KIF5B: variants seen among roughly 807,000 people sequenced by gnomAD.
KIF5B encodes the protein kinesin family member 5B.
A neutral mutation model predicts 132.8 loss-of-function variants in KIF5B; 49 were observed. That is an observed-to-expected ratio of 0.37 (90% CI 0.29 to 0.47). The LOEUF is 0.47. Ranked by LOEUF, KIF5B falls within the 20% of genes least tolerant of loss-of-function variation. KIF5B has a pLI of 1.00. For missense variants in KIF5B, 780 were observed against 1,144.0 expected, an observed-to-expected ratio of 0.68 and a Z score of 4.59; for synonymous variants, 355 against 369.4, an observed-to-expected ratio of 0.96 and a Z score of 0.45.
intron 25 of KIF5B, among the ~76,000 whole-genome samples, chr10:32,015,202 A>G (rs1257151085): frequency 6.6e-6 from 1 of 152,164 alleles, no homozygotes; most frequent in African/African-American, 2.4e-5. Context: ...TCAATTATGG[A>G]AAAAATTAAT....
At chr10:32,040,656 CA>C (rs1442303035) in intron 2 of KIF5B, among the ~76,000 whole-genome samples, 199 bp from the exon 3 acceptor site, 7 of 150,070 alleles carry the variant, frequency 4.7e-5, no homozygotes, top group East Asian at 3.9e-4. Context: ...CACACACACA[CA>C]CCCTCTTCCT....
At position 32,015,530 on chromosome 10, in the gene KIF5B, T is replaced by G; in HGVS notation, c.2891A>C (p.Ter964SerextTer9). 1 of 1,608,408 alleles carries G rather than the reference T, an allele frequency of 6.2e-7. No individual in the cohort carries two copies. Among genetic ancestry groups the G allele is most frequent in the Non-Finnish European group, 8.5e-7 (1 of 1,177,798 alleles). ...AAACCTGTGGGTATGTATAAACGAT[T>G]ACACTTGTTTGCCTCCTCCACCTCG... Reference protein sequence around the residue: ...AVRGGGGKQV* With the variant: ...AVRGGGGKQVS The change falls in exon 25 of 26, where the codon TAA becomes TCA. Residue 964 changes from the stop codon to serine (S), a stop_lost. Transcript: ENST00000302418.
At chr10:32,022,065 T>C in intron 17 of KIF5B, 75 bp downstream of exon 17, 1 of 709,516 alleles carries the variant, frequency 1.4e-6, no homozygotes, top group South Asian at 1.9e-5. Flanking sequence ...TTTCTTTCAG[T>C]GTGAATATTA....
Position 32,049,344 on chromosome 10 carries a change from C to T in KIF5B, c.127-793G>A, listed in dbSNP as rs542690841. ...AATATAGGAGGAGAACCTAAGTCTA[C>T]GGGAAAGCAGAATATCACGGAAACA... On this transcript the variant is annotated intron_variant, in intron 1 of 25. Transcript: ENST00000302418. Among the ~76,000 whole-genome samples, 73 of 152,128 alleles carry T rather than the reference C, an allele frequency of 4.8e-4. 1 individual carries two copies. Among genetic ancestry groups the T allele is most frequent in the Admixed American group, 1.0e-3 (16 of 15,276 alleles).
At chr10:32,050,095 G>A (rs921351433) in intron 1 of KIF5B, among the ~76,000 whole-genome samples, 17 of 152,212 alleles carry the variant, frequency 1.1e-4, no homozygotes, top group Non-Finnish European at 2.5e-4. Context: ...AAGGAAGGAA[G>A]TTGGGCCCTA....
At position 32,048,488 on chromosome 10, in the gene KIF5B, C is replaced by A; in HGVS notation, c.190G>T (p.Asp64Tyr). The A allele has an allele frequency of 1.2e-6, 2 of 1,613,146 alleles. No individual in the cohort carries two copies. Among genetic ancestry groups the A allele is most frequent in the South Asian group, 2.2e-5 (2 of 90,990 alleles). ...CCTTTAACAATCTTCTTTGCACAGTCATTATACACTTGCTCTTGAGATGTG... is the reference window on the plus strand; with the variant it reads ...CCTTTAACAATCTTCTTTGCACAGTAATTATACACTTGCTCTTGAGATGTG... ...SSTSQEQVYNDCAKKIVKDVL... is the reference protein window; with the variant it reads ...SSTSQEQVYNYCAKKIVKDVL... Residue 64 changes from aspartate (D) to tyrosine (Y), a missense_variant, in exon 2 of 26, where the codon GAC (aspartate) becomes TAC (tyrosine). This residue lies in a region of KIF5B where 66 missense variants were observed against 83.4 expected (regional missense o/e 0.79). Transcript: ENST00000302418.
chr10:32,044,918 A>G (rs1187112204), intron 2 of KIF5B, among the ~76,000 whole-genome samples: 4 of 152,224 alleles, frequency 2.6e-5, no homozygotes, highest in Non-Finnish European at 5.9e-5. Flanking sequence ...ATTATCCTGA[A>G]CGCAGTTCCA....
chr10:32,043,619 T>G (rs1402807620), intron 2 of KIF5B, among the ~76,000 whole-genome samples: 1 of 152,146 alleles, frequency 6.6e-6, no homozygotes, highest in African/African-American at 2.4e-5. Context: ...TAGTGGGCAA[T>G]GAATAAATAG....
intron 17 of KIF5B, 55 bp downstream of exon 17, chr10:32,022,085 C>T (rs1841271183): frequency 2.4e-6 from 2 of 848,312 alleles, no homozygotes; most frequent in Admixed American, 2.4e-5. Context: ...AAGTTTACTA[C>T]AATTATACTA....
Position 32,038,149 on chromosome 10 carries a change from T to A in KIF5B, c.498+14A>T. The A allele has an allele frequency of 6.6e-7, 1 of 1,513,682 alleles. No homozygotes were observed. Among genetic ancestry groups the A allele is most frequent in the African/African-American group, 1.4e-5 (1 of 71,614 alleles). 93.8% of individuals were successfully genotyped at this position (1,513,682 alleles called of 1,614,324 possible). On this transcript the variant is annotated intron_variant, in intron 6 of 25. Transcript: ENST00000302418. The stretch of plus-strand genomic sequence containing the variant: ...AGTATTACAGGGTTTTCTAGACAAC[T>A]GTACTATAAATACCTTTACATAGGG...
chr10:32,040,804 T>C (rs953923967), intron 2 of KIF5B, among the ~76,000 whole-genome samples: 2 of 151,908 alleles, frequency 1.3e-5, no homozygotes, highest in East Asian at 3.9e-4. Flanking sequence ...CTGGTCAGCA[T>C]GGTGAAACCC....
chr10:32,014,392 G>A (rs528468453), intron 25 of KIF5B, among the ~76,000 whole-genome samples: 161 of 151,692 alleles, frequency 1.1e-3, no homozygotes, highest in African/African-American at 3.8e-3. Flanking sequence ...GCTCCGTCTC[G>A]GAGTGGGGCA....
chr10:32,026,097 A>G (rs574356617), intron 15 of KIF5B, among the ~76,000 whole-genome samples: 1 of 152,298 alleles, frequency 6.6e-6, no homozygotes, highest in Non-Finnish European at 1.5e-5. Flanking sequence ...AATGAGTACA[A>G]CAATCATTGT....
chr10:32,037,918 T>C (rs1357850037), intron 6 of KIF5B, among the ~76,000 whole-genome samples: 1 of 151,998 alleles, frequency 6.6e-6, no homozygotes. Context: ...AAGACCAGCC[T>C]GGCCAACATG....
At position 32,048,510 on chromosome 10, in the gene KIF5B, T is replaced by C; in HGVS notation, c.168A>G (p.Thr56=). ...YAFDRVFQSS[T]SQEQVYNDCA... ...AGTCATTATACACTTGCTCTTGAGATGTGCTTGACTGGAACACCCGATCAA... is the reference window on the plus strand; with the variant it reads ...AGTCATTATACACTTGCTCTTGAGACGTGCTTGACTGGAACACCCGATCAA... The change falls in exon 2 of 26, where the codon ACA becomes ACG. Residue 56 remains threonine (T), a synonymous_variant. Coordinates refer to ENST00000302418, the MANE Select transcript of KIF5B (RefSeq NM_004521.3). 1.2e-6 allele frequency: 2 copies of C among 1,613,782 alleles called. No homozygotes were observed. The highest frequency in any genetic ancestry group is 1.7e-5 in the Admixed American group (1 of 59,948).
intron 22 of KIF5B, 63 bp downstream of exon 22, chr10:32,018,253 C>G: frequency 6.9e-7 from 1 of 1,449,542 alleles, no homozygotes; most frequent in Non-Finnish European, 9.3e-7. Flanking sequence ...ACTTTGAATA[C>G]AAATAATTAC....
chr10:32,052,781 C>A (rs779898043), intron 1 of KIF5B, among the ~76,000 whole-genome samples: 1 of 152,032 alleles, frequency 6.6e-6, no homozygotes, highest in Non-Finnish European at 1.5e-5. Context: ...TCATTTCATT[C>A]GATGTTACAT....
intron 15 of KIF5B, among the ~76,000 whole-genome samples, chr10:32,024,146 C>CCTT (rs1554800857): frequency 0.044 from 3,088 of 69,816 alleles, 311 homozygotes; most frequent in South Asian, 0.073. Flanking sequence ...ATGAAGAACT[C>CCTT]TTTTTTTTTT....
Position 32,031,240 on chromosome 10 carries a change from C to T in KIF5B, c.1414G>A (p.Ala472Thr). The T allele has an allele frequency of 6.2e-7, 1 of 1,613,952 alleles. No individual in the cohort carries two copies. Among genetic ancestry groups the T allele is most frequent in the Non-Finnish European group, 8.5e-7 (1 of 1,179,976 alleles). ...STRRDQDNMQ[A>T]ELNRLQAEND... ...TCTGCTTGAAGGCGATTCAGCTCAGCTTGCATATTGTCTTGATCCCTTCTG... is the reference window on the plus strand; with the variant it reads ...TCTGCTTGAAGGCGATTCAGCTCAGTTTGCATATTGTCTTGATCCCTTCTG... Residue 472 changes from alanine (A) to threonine (T), a missense_variant, in exon 14 of 26, where the codon GCT (alanine) becomes ACT (threonine). Transcript: ENST00000302418.
Sources: gnomAD v4.1 joint callset for allele counts (sites outside exome capture counted in the v4.1 genomes callset) on GRCh38, gnomAD v4.1.1 for gene constraint, gnomAD v4.1.1 regional missense constraint, MANE v1.5 for transcripts, NCBI Gene and HGNC (gene_info 2026-07-23, HGNC 2026-07-21) for gene names.